GADL1: variants seen among roughly 807,000 people sequenced by gnomAD.
The protein encoded by GADL1 is GAD like acidic amino acid decarboxylase 1, also known as acidic amino acid decarboxylase GADL1.
Under a neutral mutation model 69.5 loss-of-function variants are expected in GADL1, and 71 were observed. That is an observed-to-expected ratio of 1.02 (90% CI 0.84 to 1.25). The LOEUF (loss-of-function observed/expected upper bound fraction) is 1.25, where lower values mean the gene tolerates loss of function less well. Among genes scored for constraint, GADL1 ranks in the 50% most tolerant of loss-of-function variants. GADL1 has a pLI of 0.00. For missense variants in GADL1, 737 were observed against 631.8 expected (o/e 1.17, Z -1.79); for synonymous variants, 254 against 214.4 (o/e 1.18, Z -1.62).
chr3:30,894,148 G>T (rs1026906650), intron 1 of GADL1, among the ~76,000 whole-genome samples: 1 of 152,120 alleles, frequency 6.6e-6, no homozygotes, highest in East Asian at 1.9e-4. Flanking sequence ...CTGAGATGAC[G>T]GTGGCCTCTT....
At chr3:30,837,994 TCA>T (rs1176160302) in intron 9 of GADL1, among the ~76,000 whole-genome samples, 3 of 152,282 alleles carry the variant, frequency 2.0e-5, no homozygotes, top group East Asian at 1.9e-4. Context: ...TTGAATCATA[TCA>T]CAGACACTCT....
In GADL1 at chr3:30,887,208, A is replaced by G. The variant is rs746192575; in HGVS notation, c.37+7370T>C. On this transcript the variant is annotated intron_variant, in intron 1 of 14. Coordinates refer to ENST00000282538, the MANE Select transcript of GADL1 (RefSeq NM_207359.3). ...AGTCAAGGACTGAGAAGGAGGACAC[A>G]CTAGGGTTGTACAAACTGGAGTTAA... is the stretch of plus-strand genomic sequence containing the variant. 4.6e-5 allele frequency among the ~76,000 whole-genome samples: 7 copies of G among 152,184 alleles called. No individual in the cohort carries two copies. In the South Asian group the frequency reaches 1.0e-3, roughly 22 times the overall value.
chr3:30,828,405 G>A (rs2201437), intron 11 of GADL1, among the ~76,000 whole-genome samples: 1 of 141,860 alleles, frequency 7.0e-6, no homozygotes, highest in Non-Finnish European at 1.5e-5. Flanking sequence ...ATGTGGCTCA[G>A]CACATCCTCA....
At chr3:30,819,906 T>C (rs954185600) in intron 11 of GADL1, among the ~76,000 whole-genome samples, 6 of 151,954 alleles carry the variant, frequency 3.9e-5, no homozygotes, top group Non-Finnish European at 5.9e-5. Context: ...TCAATGAAAA[T>C]GTAAAAACTG....
intron 5 of GADL1, among the ~76,000 whole-genome samples, chr3:30,850,361 C>G (rs1015236700): frequency 2.0e-5 from 3 of 151,818 alleles, no homozygotes; most frequent in Non-Finnish European, 2.9e-5. Context: ...GGCTTTTTTT[C>G]AAACCAAAAG....
At position 30,801,096 on chromosome 3, in the gene GADL1, AAAG is replaced by A. The variant is rs1697154375; in HGVS notation, c.1051-11_1051-9del. On this transcript the variant is annotated splice_polypyrimidine_tract_variant and intron_variant, in intron 11 of 14. Transcript: ENST00000282538. ...GCATTTTTTAAGAAGATCCTTCGAAAAAGAAAAGATTACAAGACTGTTAAACTT... is the reference window on the plus strand; with the variant it reads ...GCATTTTTTAAGAAGATCCTTCGAAAAAAAGATTACAAGACTGTTAAACTT... The A allele has an allele frequency of 3.8e-6, 6 of 1,579,334 alleles. No individual in the cohort carries two copies. In the East Asian group the frequency reaches 1.3e-4, roughly 35 times the overall value.
At chr3:30,745,934 T>C (rs1685548224) in intron 14 of GADL1, among the ~76,000 whole-genome samples, 1 of 151,452 alleles carries the variant, frequency 6.6e-6, no homozygotes, top group African/African-American at 2.4e-5. Context: ...TTCTTCTCCT[T>C]CCCCTTCCCC....
At chr3:30,743,108 C>T (rs538711651) in intron 14 of GADL1, among the ~76,000 whole-genome samples, 10 of 152,070 alleles carry the variant, frequency 6.6e-5, no homozygotes, top group Admixed American at 5.2e-4. Flanking sequence ...TATTTTGTGG[C>T]TTCCTGAAAT....
At chr3:30,736,743 C>A (rs772012027) in intron 14 of GADL1, among the ~76,000 whole-genome samples, 166 of 152,192 alleles carry the variant, frequency 1.1e-3, no homozygotes, top group Non-Finnish European at 1.0e-3. Context: ...TTTTTTCAAA[C>A]GTTGATAAAG....
At chr3:30,844,959 C>T (rs1167330510) in intron 6 of GADL1, among the ~76,000 whole-genome samples, 52 of 152,152 alleles carry the variant, frequency 3.4e-4, no homozygotes, top group African/African-American at 1.2e-3. Flanking sequence ...CCACTGCTGA[C>T]TTGAAACCCT....
At chr3:30,767,375 A>G (rs1392653723) in intron 14 of GADL1, among the ~76,000 whole-genome samples, 1 of 151,662 alleles carries the variant, frequency 6.6e-6, no homozygotes, top group African/African-American at 2.4e-5. Context: ...AACCTATCGT[A>G]AAGGAAAGCC....
intron 2 of GADL1, among the ~76,000 whole-genome samples, chr3:30,859,842 A>G (rs1372141074): frequency 6.6e-6 from 1 of 151,878 alleles, no homozygotes; most frequent in Admixed American, 6.6e-5. Flanking sequence ...CAACTCTAGC[A>G]TAGCTTTCAA....
intron 14 of GADL1, among the ~76,000 whole-genome samples, chr3:30,739,554 C>T (rs1420478929): frequency 1.3e-5 from 2 of 152,202 alleles, no homozygotes; most frequent in Non-Finnish European, 2.9e-5. Flanking sequence ...GATGTGTTCT[C>T]AGCTCTCCCT....
intron 14 of GADL1, among the ~76,000 whole-genome samples, chr3:30,756,398 T>TA (rs201318330): frequency 0.014 from 2,098 of 152,254 alleles, 46 homozygotes; most frequent in African/African-American, 0.048. Context: ...CTATAATGTA[T>TA]AAAGTTATAA....
At chr3:30,810,926 G>A (rs1697340349) in intron 11 of GADL1, among the ~76,000 whole-genome samples, 2 of 152,220 alleles carry the variant, frequency 1.3e-5, no homozygotes, top group South Asian at 2.1e-4. Flanking sequence ...TCTTGATAGT[G>A]GTTTACGCAT....
At chr3:30,850,997 GGT>G in intron 4 of GADL1, 56 bp from the exon 5 acceptor site, 1 of 1,042,526 alleles carries the variant, frequency 9.6e-7, no homozygotes. Context: ...ACATTCCTTT[GGT>G]GTCCCAAGAA....
Position 30,763,504 on chromosome 3 carries a change from C to G in GADL1, c.1392+14675G>C, listed in dbSNP as rs61619382. The stretch of plus-strand genomic sequence containing the variant: ...GCGACAGAGCAAGACTCCGTCTCGG[C>G]GGCGGGGGGTGGGGGTGGGGGGGAA... On this transcript the variant is annotated intron_variant, in intron 14 of 14. Coordinates refer to ENST00000282538, the MANE Select transcript of GADL1 (RefSeq NM_207359.3). Among the ~76,000 whole-genome samples the G allele has an allele frequency of 6.1e-3, 50 of 8,210 alleles. 1 individual carries two copies. The highest frequency in any genetic ancestry group is 0.043 in the African/African-American group (39 of 900). 5.4% of individuals were successfully genotyped at this position (8,210 alleles called of 152,430 possible). A position where few individuals can be genotyped will look rare whatever the true frequency, so the allele number is the denominator to read the frequency against.
intron 14 of GADL1, among the ~76,000 whole-genome samples, chr3:30,771,753 C>T (rs1438162539): frequency 6.6e-6 from 1 of 152,152 alleles, no homozygotes; most frequent in Non-Finnish European, 1.5e-5. Flanking sequence ...ATACTAATGT[C>T]AAAGACAATG....
intron 13 of GADL1, among the ~76,000 whole-genome samples, chr3:30,782,454 G>C (rs904217686): frequency 6.6e-6 from 1 of 152,108 alleles, no homozygotes; most frequent in Non-Finnish European, 1.5e-5. Context: ...TTGGTTAGTG[G>C]ATCATAGTTC....
Sources: allele counts gnomAD v4.1 joint callset (sites outside exome capture counted in the v4.1 genomes callset), GRCh38; gene constraint gnomAD v4.1.1; transcripts MANE v1.5; gene names NCBI Gene and HGNC (gene_info 2026-07-23, HGNC 2026-07-21).